Variants in HPSE2 observed in about 807,000 individuals in gnomAD.
HPSE2 encodes inactive heparanase-2.
A neutral mutation model predicts 60.5 loss-of-function variants in HPSE2; 38 were observed. The observed-to-expected ratio is 0.63, with a 90% CI of 0.48 to 0.82. HPSE2 has a LOEUF of 0.82. Ranked by LOEUF, HPSE2 falls within the 40% of genes least tolerant of loss-of-function variation. HPSE2 has a pLI of 0.00. For synonymous variants in HPSE2, 295 were observed against 293.2 expected, an observed-to-expected ratio of 1.01 and a Z score of -0.06; for missense variants, 713 against 740.4, an observed-to-expected ratio of 0.96 and a Z score of 0.43.
At chr10:99,081,588 G>A (rs1333661891) in intron 3 of HPSE2, among the ~76,000 whole-genome samples, 2 of 144,040 alleles carry the variant, frequency 1.4e-5, no homozygotes, top group African/African-American at 5.0e-5. Context: ...TAAAGATGAT[G>A]ATGATGATGA....
At chr10:99,095,727 T>C (rs1306933438) in intron 3 of HPSE2, among the ~76,000 whole-genome samples, 1 of 152,216 alleles carries the variant, frequency 6.6e-6, no homozygotes, top group Non-Finnish European at 1.5e-5. Flanking sequence ...AATATTTCAT[T>C]TCTTCTTATT....
At chr10:99,131,231 A>G (rs1305759170) in intron 3 of HPSE2, among the ~76,000 whole-genome samples, 3 of 152,180 alleles carry the variant, frequency 2.0e-5, no homozygotes, top group African/African-American at 7.2e-5. Context: ...CACAGTGAAC[A>G]TCATACTGAA....
intron 5 of HPSE2, among the ~76,000 whole-genome samples, chr10:98,696,409 G>A (rs1948219343): frequency 6.6e-6 from 1 of 151,910 alleles, no homozygotes; most frequent in Admixed American, 6.6e-5. Flanking sequence ...CCCACAGAGA[G>A]GAAGGAAGAG....
intron 2 of HPSE2, among the ~76,000 whole-genome samples, chr10:99,194,346 T>A (rs1848321696): frequency 6.6e-6 from 1 of 151,292 alleles, no homozygotes; most frequent in Non-Finnish European, 1.5e-5. Flanking sequence ...ATAAACAATA[T>A]AATGATGCAT....
intron 9 of HPSE2, among the ~76,000 whole-genome samples, chr10:98,543,938 A>G (rs1262949520): frequency 2.7e-5 from 4 of 150,766 alleles, no homozygotes; most frequent in Non-Finnish European, 5.9e-5. Flanking sequence ...GAAAGTTAAC[A>G]AGGATACCCA....
intron 2 of HPSE2, among the ~76,000 whole-genome samples, chr10:99,152,149 A>G (rs1191180942): frequency 6.6e-6 from 1 of 152,020 alleles, no homozygotes; most frequent in Non-Finnish European, 1.5e-5. Context: ...GTCTCTACTA[A>G]AAATACAAAA....
intron 3 of HPSE2, among the ~76,000 whole-genome samples, chr10:99,026,613 G>C (rs1312790814): frequency 7.9e-6 from 1 of 126,136 alleles, no homozygotes; most frequent in Non-Finnish European, 1.6e-5. Flanking sequence ...CTGCACTACA[G>C]ATCAAATGGA....
At chr10:99,047,361 T>C (rs1356524746) in intron 3 of HPSE2, among the ~76,000 whole-genome samples, 2 of 152,144 alleles carry the variant, frequency 1.3e-5, no homozygotes, top group Non-Finnish European at 2.9e-5. Flanking sequence ...TCTCAAACTA[T>C]AAAAATCCTA....
intron 9 of HPSE2, among the ~76,000 whole-genome samples, chr10:98,609,640 G>T (rs4554816): frequency 0.89 from 135,003 of 152,110 alleles, 60,123 homozygotes; most frequent in East Asian, 0.95. Flanking sequence ...TACCTAATTT[G>T]CTCAAAGATT....
At chr10:98,850,941 T>C (rs947518957) in intron 3 of HPSE2, among the ~76,000 whole-genome samples, 2 of 152,060 alleles carry the variant, frequency 1.3e-5, no homozygotes, top group Non-Finnish European at 2.9e-5. Flanking sequence ...TTGGAAGAAA[T>C]AGATGTGTAA....
chr10:98,616,203 T>A (rs1251567976), intron 8 of HPSE2, among the ~76,000 whole-genome samples: 2 of 152,224 alleles, frequency 1.3e-5, no homozygotes, highest in African/African-American at 2.4e-5. Flanking sequence ...TCCTCTGTAC[T>A]TCCCCAGATC....
At chr10:98,694,303 T>C (rs1457691066) in intron 5 of HPSE2, among the ~76,000 whole-genome samples, 3 of 152,148 alleles carry the variant, frequency 2.0e-5, no homozygotes. Flanking sequence ...AGGACTCCAA[T>C]CTCTGCTAGG....
chr10:99,182,857 G>A (rs1047439161), intron 2 of HPSE2, among the ~76,000 whole-genome samples: 1 of 151,956 alleles, frequency 6.6e-6, no homozygotes, highest in Non-Finnish European at 1.5e-5. Context: ...TTAGCCAGGT[G>A]TGGTGGCAGG....
intron 2 of HPSE2, among the ~76,000 whole-genome samples, chr10:99,172,996 G>A (rs961166408): frequency 2.0e-5 from 3 of 152,116 alleles, no homozygotes; most frequent in Admixed American, 6.6e-5. Flanking sequence ...GAGGATATAA[G>A]TACATTACAC....
chr10:98,749,507 A>C (rs1224808084), intron 3 of HPSE2, among the ~76,000 whole-genome samples: 2 of 151,634 alleles, frequency 1.3e-5, no homozygotes, highest in African/African-American at 4.8e-5. Flanking sequence ...ATATATGCAT[A>C]TATACATACA....
intron 3 of HPSE2, among the ~76,000 whole-genome samples, chr10:98,847,931 A>C (rs2134719776): frequency 6.6e-6 from 1 of 152,350 alleles, no homozygotes; most frequent in South Asian, 2.1e-4. Context: ...TGGGAGAATG[A>C]GAAGAACCAG....
intron 3 of HPSE2, among the ~76,000 whole-genome samples, chr10:98,880,020 T>G (rs1952981538): frequency 6.6e-6 from 1 of 152,040 alleles, no homozygotes; most frequent in Non-Finnish European, 1.5e-5. Flanking sequence ...CTGATGTTAC[T>G]TCAGTGCAGC....
At chr10:98,934,654 T>G (rs1216854946) in intron 3 of HPSE2, among the ~76,000 whole-genome samples, 1 of 144,294 alleles carries the variant, frequency 6.9e-6, no homozygotes, top group Non-Finnish European at 1.5e-5. Flanking sequence ...CCACTGTTAG[T>G]GTCATGGGCT....
chr10:99,096,344 A>G (rs906341600), intron 3 of HPSE2, among the ~76,000 whole-genome samples: 8 of 152,232 alleles, frequency 5.3e-5, no homozygotes, highest in African/African-American at 1.7e-4. Flanking sequence ...ACTTAAATTT[A>G]TTCAATACCA....
Sources: gnomAD v4.1 joint callset for allele counts (sites outside exome capture counted in the v4.1 genomes callset) on GRCh38, gnomAD v4.1.1 for gene constraint, MANE v1.5 for transcripts, NCBI Gene and HGNC (gene_info 2026-07-23, HGNC 2026-07-21) for gene names.